PRICKLE2: variants seen among roughly 807,000 people sequenced by gnomAD.
PRICKLE2 encodes the protein prickle planar cell polarity protein 2.
PRICKLE2 carries 21 observed loss-of-function variants against 81.4 expected under a neutral mutation model. That is an observed-to-expected ratio of 0.26 (90% CI 0.18 to 0.37). The LOEUF is 0.37. PRICKLE2 is among the 10% of genes least tolerant of loss of function. The pLI, the probability that PRICKLE2 is intolerant of heterozygous loss-of-function variation, is 1.00. For missense variants in PRICKLE2, 940 were observed against 1,109.0 expected (o/e 0.85, Z 2.16); for synonymous variants, 456 against 421.5 (o/e 1.08, Z -1.00).
chr3:64,116,757 T>C (rs1307754300), intron 7 of PRICKLE2, among the ~76,000 whole-genome samples: 2 of 152,186 alleles, frequency 1.3e-5, no homozygotes, highest in Non-Finnish European at 2.9e-5. Context: ...AGCTGAATTC[T>C]GTCAGGTGTC....
chr3:64,108,697 C>G (rs1251088607), intron 7 of PRICKLE2, among the ~76,000 whole-genome samples: 1 of 152,146 alleles, frequency 6.6e-6, no homozygotes, highest in Non-Finnish European at 1.5e-5. Flanking sequence ...TTCTCATGTT[C>G]ATGAGAGTTA....
chr3:64,225,409 AAAT>A lies in PRICKLE2; in HGVS notation c.-543_-541del, dbSNP rs1412610954. ...CCAGGAAATGTGCTGCTTGGTCAAA[AAAT>A]AATAATAACTCTCGGTGGCGCTGCT... On this transcript the variant is annotated 5_prime_UTR_variant, in exon 1 of 8. Transcript: ENST00000638394. 4.1e-6 allele frequency: 4 copies of A among 985,270 alleles called. No homozygotes were observed. Among genetic ancestry groups the A allele is most frequent in the African/African-American group, 3.5e-5 (2 of 57,190 alleles). The allele number at this position is 985,270 out of a possible 1,614,324, so 61.0% of individuals were successfully genotyped here.
chr3:64,147,168 A>G lies in PRICKLE2; in HGVS notation c.1322T>C (p.Met441Thr). 6.2e-7 allele frequency: 1 copy of G among 1,613,976 alleles called. No individual in the cohort carries two copies. The highest frequency in any genetic ancestry group is 8.5e-7 in the Non-Finnish European group (1 of 1,179,966). Residue 441 changes from methionine (M) to threonine (T), a missense_variant, in exon 7 of 8, where the codon ATG (methionine) becomes ACG (threonine). By Grantham distance (81) the Met-to-Thr change is moderately conservative. This residue lies in a region of PRICKLE2 where 670 missense variants were observed against 717.2 expected (regional missense o/e 0.93). Transcript: ENST00000638394. The surrounding 1 kb of genome is among the most constrained non-coding windows in gnomAD (Gnocchi z 5.0). The stretch of plus-strand genomic sequence containing the variant: ...GGGGTTGCTGAAGTGCTTGCCCCAC[A>G]TTTCGGGCTGGGCCCCAGCCCCTTG... ...GGQGAGAQPE[M>T]WGKHFSNPKR...
chr3:64,259,958 G>A (rs1314500387), intron 2 of PRICKLE2, among the ~76,000 whole-genome samples: 1 of 152,096 alleles, frequency 6.6e-6, no homozygotes, highest in Non-Finnish European at 1.5e-5. Flanking sequence ...CCTAGGAAAT[G>A]AACACTCTCC....
chr3:64,240,543 A>C (rs2079248925), intron 2 of PRICKLE2, among the ~76,000 whole-genome samples: 1 of 152,148 alleles, frequency 6.6e-6, no homozygotes, highest in South Asian at 2.1e-4. Flanking sequence ...GTGGGCTATG[A>C]AATGCCTCAG....
At position 64,099,097 on chromosome 3, in the gene PRICKLE2, A is replaced by C. The variant is rs1471277940; in HGVS notation, c.2489T>G (p.Leu830Trp). 1 of 1,614,216 alleles carries C rather than the reference A, an allele frequency of 6.2e-7. No homozygotes were observed. The highest frequency in any genetic ancestry group is 8.5e-7 in the Non-Finnish European group (1 of 1,180,032). ...KSSTLGGRGQ[L>W]HSRKRQKSKN... is the part of the protein sequence containing the mutation. Reference sequence around the variant, plus strand: ...GCTCTTCTGTCTTTTCCTGCTGTGCAACTGTCCTCTGCCACCTAATGTGGA... The same window carrying C: ...GCTCTTCTGTCTTTTCCTGCTGTGCCACTGTCCTCTGCCACCTAATGTGGA... The change falls in exon 8 of 8, where the codon TTG (leucine) becomes TGG (tryptophan). Residue 830 changes from leucine to tryptophan, a missense_variant. By Grantham distance (61) the Leu-to-Trp change is moderately conservative. Transcript: ENST00000638394. The surrounding 1 kb of genome is among the most constrained non-coding windows in gnomAD (Gnocchi z 4.3).
chr3:64,112,724 A>T (rs2076869530), intron 7 of PRICKLE2, among the ~76,000 whole-genome samples: 2 of 152,166 alleles, frequency 1.3e-5, no homozygotes, highest in African/African-American at 2.4e-5. Context: ...TAAATAGACA[A>T]CCCACAGAAT....
At chr3:64,173,808 T>G (rs1051173947) in intron 2 of PRICKLE2, among the ~76,000 whole-genome samples, 16 of 152,232 alleles carry the variant, frequency 1.1e-4, no homozygotes, top group African/African-American at 3.9e-4. Context: ...TACTTCAGAA[T>G]AGTCACAGCT....
intron 2 of PRICKLE2, among the ~76,000 whole-genome samples, chr3:64,250,954 AG>A (rs1250756433): frequency 6.6e-6 from 1 of 152,216 alleles, no homozygotes; most frequent in African/African-American, 2.4e-5. Flanking sequence ...GAGCACCCTC[AG>A]CCCAACCCCA....
intron 7 of PRICKLE2, among the ~76,000 whole-genome samples, chr3:64,124,505 A>G (rs1376144977): frequency 6.6e-6 from 1 of 152,210 alleles, no homozygotes; most frequent in Non-Finnish European, 1.5e-5. Flanking sequence ...GGAGAACTCA[A>G]TGCCTGACCT....
At chr3:64,199,759 A>G (rs1001783728) in intron 1 of PRICKLE2, 4 of 152,254 alleles carry the variant, frequency 2.6e-5, no homozygotes, top group Non-Finnish European at 4.4e-5. Context: ...TGATGAAGCA[A>G]TAAATATGTT....
rs957901594 is a variant in PRICKLE2, at chr3:64,153,440, G to T, written c.601-72C>A. The T allele has an allele frequency of 3.4e-6, 5 of 1,471,432 alleles. No homozygotes were observed. In the African/African-American group the frequency reaches 6.9e-5, roughly 20 times the overall value. The allele number at this position is 1,471,432 out of a possible 1,614,324, so 91.1% of individuals were successfully genotyped here. A position where few individuals can be genotyped will look rare whatever the true frequency, so the allele number is the denominator to read the frequency against. On this transcript the variant is annotated intron_variant, in intron 5 of 7. Transcript: ENST00000638394. ...ACATATTTTAAAGGAAGAAAGCTAT[G>T]GGGTCCTTGAACTAGAAGGGTAAGA...
At chr3:64,248,367 C>T (rs1382955255) in intron 2 of PRICKLE2, among the ~76,000 whole-genome samples, 1 of 152,158 alleles carries the variant, frequency 6.6e-6, no homozygotes, top group Non-Finnish European at 1.5e-5. Flanking sequence ...TGACTCCTTT[C>T]CCCAATAAGT....
intron 1 of PRICKLE2, among the ~76,000 whole-genome samples, chr3:64,208,678 T>C (rs1449391678): frequency 1.3e-5 from 2 of 152,210 alleles, no homozygotes; most frequent in African/African-American, 2.4e-5. Flanking sequence ...TGAAGGTTTA[T>C]AATATTCAAT....
intron 6 of PRICKLE2, among the ~76,000 whole-genome samples, chr3:64,148,137 C>A (rs1033472514): frequency 3.9e-5 from 6 of 152,186 alleles, no homozygotes; most frequent in Non-Finnish European, 8.8e-5. Context: ...GGCTAAGTAA[C>A]TTGGCAGGGT....
chr3:64,163,732 T>C (rs2107047341), intron 2 of PRICKLE2: 1 of 163,646 alleles, frequency 6.1e-6, no homozygotes, highest in Admixed American at 5.6e-5. Context: ...TTTTTGCACA[T>C]CCCACAACAT....
At chr3:64,250,385 T>C (rs1488504370) in intron 2 of PRICKLE2, among the ~76,000 whole-genome samples, 3 of 152,180 alleles carry the variant, frequency 2.0e-5, no homozygotes, top group Non-Finnish European at 4.4e-5. Context: ...ACCAAATGTC[T>C]AGGGGAGTGG....
intron 7 of PRICKLE2, among the ~76,000 whole-genome samples, chr3:64,140,985 C>G (rs542599766): frequency 3.3e-5 from 5 of 152,148 alleles, no homozygotes; most frequent in African/African-American, 7.2e-5. Flanking sequence ...TTGATCACAC[C>G]TGGGATCAAG....
intron 7 of PRICKLE2, among the ~76,000 whole-genome samples, chr3:64,121,316 G>T (rs561026526): frequency 6.6e-6 from 1 of 152,286 alleles, no homozygotes; most frequent in South Asian, 2.1e-4. Flanking sequence ...ACAGGCTTCA[G>T]TGCAGTAGGA....
Sources: gnomAD v4.1 joint callset for allele counts (sites outside exome capture counted in the v4.1 genomes callset) on GRCh38, gnomAD v4.1.1 for gene constraint, gnomAD v4.1.1 regional missense constraint, Gnocchi (gnomAD v3.1) non-coding constraint, MANE v1.5 for transcripts, NCBI Gene and HGNC (gene_info 2026-07-23, HGNC 2026-07-21) for gene names.